Variants in PRCC observed in about 807,000 individuals in gnomAD.
PRCC encodes the protein proline-rich protein PRCC.
A neutral mutation model predicts 44.0 loss-of-function variants in PRCC; 10 were observed. That is an observed-to-expected ratio of 0.23 (90% CI 0.14 to 0.39). The LOEUF (loss-of-function observed/expected upper bound fraction) is 0.39, where lower values mean the gene tolerates loss of function less well. Among genes scored for constraint, PRCC ranks in the 10% least tolerant of loss-of-function variants. The probability of loss-of-function intolerance (pLI) is 1.00; values close to 1 mark genes in which losing one functional copy is unlikely to be tolerated. For missense variants in PRCC, 573 were observed against 624.7 expected (o/e 0.92, Z 0.88); for synonymous variants, 278 against 259.5 (o/e 1.07, Z -0.69).
intron 3 of PRCC, chr1:156,791,199 A>G (rs1316581870): frequency 2.3e-6 from 3 of 1,332,594 alleles, no homozygotes; most frequent in Non-Finnish European, 3.1e-6. Flanking sequence ...GTTATTTTAA[A>G]TCAGAGATCT....
At chr1:156,791,124 T>G (rs1652457622) in intron 3 of PRCC, 1 of 1,419,642 alleles carries the variant, frequency 7.0e-7, no homozygotes, top group Middle Eastern at 2.0e-4. Flanking sequence ...ATTCCTGAAC[T>G]CAAAATCTGG....
Position 156,794,734 on chromosome 1 carries a change from GA to G in PRCC, c.1250del (p.Asp417AlafsTer10). The G allele has an allele frequency of 6.2e-7, 1 of 1,614,194 alleles. No homozygotes were observed. The highest frequency in any genetic ancestry group is 8.5e-7 in the Non-Finnish European group (1 of 1,180,034). On this transcript the variant is annotated frameshift_variant, in exon 5 of 7. Transcript: ENST00000271526. LOFTEE classifies it high-confidence loss of function. The part of the protein sequence containing the change: ...EINFVEIKGD[D>X]QLSGAQQWMT... ...CAACTTTGTGGAGATCAAAGGTGAT[GA>G]CCAGCTCAGTGGGGCCCAGCAATGG...
In PRCC at chr1:156,791,323, T is replaced by C. The variant is rs540748999; in HGVS notation, c.1084-374T>C. 3.3e-4 allele frequency: 173 copies of C among 523,602 alleles called. 4 individuals carry two copies. Among genetic ancestry groups the C allele is most frequent in the South Asian group, 3.0e-3 (163 of 54,280 alleles). The allele number at this position is 523,602 out of a possible 1,614,324, so 32.4% of individuals were successfully genotyped here. A position where few individuals can be genotyped will look rare whatever the true frequency, so the allele number is the denominator to read the frequency against. On this transcript the variant is annotated intron_variant, in intron 3 of 6. Transcript: ENST00000271526. ...TCGTCCCTGCTCGCATCGTAGCTCA[T>C]TGGGGTCTTATGAGCAGGAGGAGCA...
At chr1:156,774,875 C>A (rs1238786317) in intron 1 of PRCC, among the ~76,000 whole-genome samples, 2 of 150,648 alleles carry the variant, frequency 1.3e-5, no homozygotes, top group Admixed American at 1.3e-4. Context: ...TGCTTGAACC[C>A]GGAAGGCAGA....
chr1:156,800,767 T>G lies in PRCC; in HGVS notation c.*307T>G, dbSNP rs1332838608. On this transcript the variant is annotated 3_prime_UTR_variant, in exon 7 of 7. Coordinates refer to ENST00000271526, the MANE Select transcript of PRCC (RefSeq NM_005973.5). ...GAACCCTCCCCACCACCACTTTTTT[T>G]TTTTTAAACCAGGGATGTCTGTTGA... 3.3e-6 allele frequency: 1 copy of G among 300,622 alleles called. No individual in the cohort carries two copies. The highest frequency in any genetic ancestry group is 2.1e-5 in the African/African-American group (1 of 47,980). The allele number at this position is 300,622 out of a possible 1,614,324, so 18.6% of individuals were successfully genotyped here.
rs2102777686 is a variant in PRCC at position 156,800,582 on chromosome 1, G to A, written c.*122G>A. The A allele has an allele frequency of 6.5e-6, 6 of 928,842 alleles. No homozygotes were observed. The highest frequency in any genetic ancestry group is 1.0e-5 in the Non-Finnish European group (6 of 590,714). 57.5% of individuals were successfully genotyped at this position (928,842 alleles called of 1,614,324 possible). ...CTCTTTCCCCAAGGACCCAGCCCTC[G>A]CCTCTGCGAGAATGAACATATTTGA... On this transcript the variant is annotated 3_prime_UTR_variant, in exon 7 of 7. Transcript: ENST00000271526.
rs748469795 is a variant in PRCC, at chr1:156,797,321, A to G, written c.1369A>G (p.Ile457Val). The part of the protein sequence containing the change: ...PTGQQRRKHQ[I>V]TYLIHQAKER... ...AGGCCAGCAGCGGCGGAAACACCAGATCACATATCTTATTCATCAGGTGAG... is the reference window on the plus strand; with the variant it reads ...AGGCCAGCAGCGGCGGAAACACCAGGTCACATATCTTATTCATCAGGTGAG... Residue 457 changes from isoleucine to valine, a missense_variant, in exon 6 of 7, where the codon ATC becomes GTC. Ile to Val is a conservative substitution (Grantham distance 29). Around this residue, in one of 4 missense-constraint regions of PRCC, gnomAD observed 69 missense variants for 139.3 expected, o/e 0.50. Coordinates refer to ENST00000271526, the MANE Select transcript of PRCC (RefSeq NM_005973.5). The G allele has an allele frequency of 6.2e-7, 1 of 1,614,194 alleles. No homozygotes were observed. The highest frequency in any genetic ancestry group is 8.5e-7 in the Non-Finnish European group (1 of 1,180,030).
rs372066913 is a variant in PRCC, at chr1:156,795,826, C to T, written c.1323+1018C>T. 4.6e-5 allele frequency: 7 copies of T among 152,354 alleles called. No homozygotes were observed. The East Asian group carries it at 1.2e-3, about 25-fold the overall frequency. 9.4% of individuals were successfully genotyped at this position (152,354 alleles called of 1,614,324 possible). A position where few individuals can be genotyped will look rare whatever the true frequency, so the allele number is the denominator to read the frequency against. On this transcript the variant is annotated intron_variant, in intron 5 of 6. Coordinates refer to ENST00000271526, the MANE Select transcript of PRCC (RefSeq NM_005973.5). ...TCAGTCAGTATGATGAACATTTCTT[C>T]ACCTAGTAGCTGAGAACAGCAAATG...
At chr1:156,790,603 C>T (rs1241757720) in intron 3 of PRCC, among the ~76,000 whole-genome samples, 1 of 152,110 alleles carries the variant, frequency 6.6e-6, no homozygotes, top group Non-Finnish European at 1.5e-5. Context: ...GCCTGGGCAA[C>T]AAGAGCGAAA....
At chr1:156,787,466 T>TG (rs1652303974) in intron 3 of PRCC, among the ~76,000 whole-genome samples, 1 of 2,826 alleles carries the variant, frequency 3.5e-4, no homozygotes, top group African/African-American at 4.7e-4. Context: ...TATATATATA[T>TG]ATATATATAT....
intron 1 of PRCC, among the ~76,000 whole-genome samples, chr1:156,773,067 G>A (rs1651691120): frequency 6.6e-6 from 1 of 152,246 alleles, no homozygotes; most frequent in Non-Finnish European, 1.5e-5. Context: ...CGGTATCCTA[G>A]CAGCAGGTAC....
At chr1:156,798,087 G>T (rs1367515377) in intron 6 of PRCC, among the ~76,000 whole-genome samples, 1 of 151,958 alleles carries the variant, frequency 6.6e-6, no homozygotes, top group African/African-American at 2.4e-5. Flanking sequence ...GGGACCACAG[G>T]TGTGTGCCAT....
At chr1:156,772,073 GGTCT>G (rs1196227320) in intron 1 of PRCC, among the ~76,000 whole-genome samples, 1 of 152,156 alleles carries the variant, frequency 6.6e-6, no homozygotes, top group Non-Finnish European at 1.5e-5. Context: ...TGCCAAGGCT[GGTCT>G]CAAACTCCTG....
chr1:156,789,981 A>G (rs1254061013), intron 3 of PRCC, among the ~76,000 whole-genome samples: 2 of 152,178 alleles, frequency 1.3e-5, no homozygotes, highest in African/African-American at 2.4e-5. Flanking sequence ...GCTTCTCAAG[A>G]TGTAGAGGGC....
rs143528416 is a variant in PRCC, at chr1:156,786,895, T to C, written c.804T>C (p.Asp268=). The C allele has an allele frequency of 1.8e-5, 29 of 1,614,108 alleles. No individual in the cohort carries two copies. In the African/African-American group the frequency reaches 3.7e-4, roughly 21 times the overall value. ...TCACGCAGGAAGAAGACGACAGTGA[T>C]GAGGAAGTAGCCCCCGAAAACTTTT... ...KQITQEEDDS[D]EEVAPENFFS... The change falls in exon 3 of 7, where the codon GAT becomes GAC. Residue 268 remains aspartate, a synonymous_variant. Coordinates refer to ENST00000271526, the MANE Select transcript of PRCC (RefSeq NM_005973.5).
chr1:156,800,586 C>G lies in PRCC; in HGVS notation c.*126C>G, dbSNP rs1391703045. ...TTCCCCAAGGACCCAGCCCTCGCCT[C>G]TGCGAGAATGAACATATTTGATAGA... On this transcript the variant is annotated 3_prime_UTR_variant, in exon 7 of 7. Coordinates refer to ENST00000271526, the MANE Select transcript of PRCC (RefSeq NM_005973.5). The G allele has an allele frequency of 1.1e-6, 1 of 879,872 alleles. No individual in the cohort carries two copies. Among genetic ancestry groups the G allele is most frequent in the Middle Eastern group, 3.3e-4 (1 of 3,072 alleles). 54.5% of individuals were successfully genotyped at this position (879,872 alleles called of 1,614,324 possible).
At chr1:156,799,913 C>T (rs200271180) in intron 6 of PRCC, among the ~76,000 whole-genome samples, 1 of 149,448 alleles carries the variant, frequency 6.7e-6, no homozygotes, top group Non-Finnish European at 1.5e-5. Flanking sequence ...AACTGCAAAA[C>T]TGTATCTCCA....
At chr1:156,789,838 T>C (rs1175397367) in intron 3 of PRCC, among the ~76,000 whole-genome samples, 4 of 152,258 alleles carry the variant, frequency 2.6e-5, no homozygotes, top group African/African-American at 9.6e-5. Context: ...ATGCTGATTG[T>C]AACTTTTTAT....
chr1:156,791,928 G>A, intron 4 of PRCC, 136 bp downstream of exon 4: 1 of 767,248 alleles, frequency 1.3e-6, no homozygotes, highest in South Asian at 1.9e-5. Context: ...ACATGTAATG[G>A]AGAAACTCTA....
Sources: allele counts gnomAD v4.1 joint callset (sites outside exome capture counted in the v4.1 genomes callset), GRCh38; gene constraint gnomAD v4.1.1; regional missense constraint gnomAD v4.1.1; transcripts MANE v1.5; gene names NCBI Gene and HGNC (gene_info 2026-07-23, HGNC 2026-07-21).